Variants in THSD7A observed in about 807,000 individuals in gnomAD.
The protein encoded by THSD7A is thrombospondin type-1 domain-containing protein 7A.
THSD7A carries 96 observed loss-of-function variants against 231.3 expected under a neutral mutation model. The ratio of observed to expected loss-of-function variants is 0.41; its 90% CI spans 0.35 to 0.49. THSD7A has a LOEUF of 0.49. Among genes scored for constraint, THSD7A ranks in the 20% least tolerant of loss-of-function variants. The pLI is 0.05. For synonymous variants in THSD7A, 940 were observed against 743.3 expected (o/e 1.26, Z -4.30); for missense variants, 2,290 against 2,070.2 (o/e 1.11, Z -2.06).
intron 2 of THSD7A, among the ~76,000 whole-genome samples, chr7:11,598,431 G>A (rs1780442389): frequency 6.6e-6 from 1 of 152,168 alleles, no homozygotes; most frequent in African/African-American, 2.4e-5. Context: ...AGCCACCCCT[G>A]TCATCGCCCA....
At chr7:11,790,130 A>C (rs2128177685) in intron 1 of THSD7A, among the ~76,000 whole-genome samples, 1 of 152,154 alleles carries the variant, frequency 6.6e-6, no homozygotes, top group African/African-American at 2.4e-5. Context: ...AATTTCAAAA[A>C]TCAGAGTTAA....
Position 11,724,897 on chromosome 7 carries a change from C to T in THSD7A, c.191-87936G>A, listed in dbSNP as rs77955271. ...AGTAAATGCTGCTGAGGAGTTTCTC[C>T]CAAATCAAACCAGGGAACTAACCTC... is the stretch of plus-strand genomic sequence containing the variant. On this transcript the variant is annotated intron_variant, in intron 1 of 27. Coordinates refer to ENST00000423059, the MANE Select transcript of THSD7A (RefSeq NM_015204.3). Among the ~76,000 whole-genome samples, 138 of 151,898 alleles carry T rather than the reference C, an allele frequency of 9.1e-4. 2 individuals carry two copies. The highest frequency in any genetic ancestry group is 3.1e-3 in the African/African-American group (127 of 41,492).
intron 6 of THSD7A, among the ~76,000 whole-genome samples, chr7:11,493,234 G>A (rs1385090621): frequency 1.3e-5 from 2 of 152,034 alleles, no homozygotes; most frequent in Non-Finnish European, 2.9e-5. Flanking sequence ...AGAAAACAAG[G>A]CAGAGAGTTC....
intron 20 of THSD7A, 114 bp from the exon 21 acceptor site, chr7:11,407,169 A>G: frequency 6.7e-7 from 1 of 1,483,028 alleles, no homozygotes; most frequent in Admixed American, 2.0e-5. Flanking sequence ...AGGAACAAGT[A>G]AGGCTTAGAT....
At chr7:11,416,938 TTTC>T (rs748678844) in intron 17 of THSD7A, among the ~76,000 whole-genome samples, 3 of 152,204 alleles carry the variant, frequency 2.0e-5, no homozygotes, top group Admixed American at 6.5e-5. Context: ...GGTGCACAGC[TTTC>T]TTCTTCTACT....
At position 11,374,322 on chromosome 7, in the gene THSD7A, C is replaced by T. The variant is rs1782177760; in HGVS notation, c.*1472G>A. On this transcript the variant is annotated 3_prime_UTR_variant, in exon 28 of 28. Transcript: ENST00000423059. ...TATAGTCCTTTACAGAAAAAGTTTG[C>T]CACTCTTGCTCTAGATATGCAATGA... 6.6e-6 allele frequency: 1 copy of T among 152,052 alleles called. No individual in the cohort carries two copies. Among genetic ancestry groups the T allele is most frequent in the African/African-American group, 2.4e-5 (1 of 41,424 alleles). The allele number at this position is 152,052 out of a possible 1,614,324, so 9.4% of individuals were successfully genotyped here.
rs1028943839 is a variant in THSD7A, at chr7:11,542,745, C to G, written c.1609+217G>C. On this transcript the variant is annotated intron_variant, in intron 5 of 27. Coordinates refer to ENST00000423059, the MANE Select transcript of THSD7A (RefSeq NM_015204.3). ...CTAAACTGTCTCAGATCCTCTCCAT[C>G]ATGTTGTCTAAATTAACAAGCATTT... Among the ~76,000 whole-genome samples, 6 of 152,336 alleles carry G rather than the reference C, an allele frequency of 3.9e-5. 2 individuals carry two copies. The highest frequency in any genetic ancestry group is 6.5e-5 in the Admixed American group (1 of 15,302).
At chr7:11,667,210 C>G (rs555095617) in intron 1 of THSD7A, among the ~76,000 whole-genome samples, 2 of 152,114 alleles carry the variant, frequency 1.3e-5, no homozygotes, top group African/African-American at 4.8e-5. Context: ...ACCCCTCACC[C>G]AAGCTTCCCC....
chr7:11,695,526 T>C (rs536827341), intron 1 of THSD7A, among the ~76,000 whole-genome samples: 1 of 151,648 alleles, frequency 6.6e-6, no homozygotes, highest in Admixed American at 6.6e-5. Context: ...AAATTGAGTA[T>C]CTAATCTGTC....
chr7:11,530,090 C>G (rs1039768598), intron 6 of THSD7A, among the ~76,000 whole-genome samples: 2 of 152,120 alleles, frequency 1.3e-5, no homozygotes, highest in African/African-American at 4.8e-5. Flanking sequence ...GCTGCAATGA[C>G]CGGTCTCCAG....
intron 9 of THSD7A, among the ~76,000 whole-genome samples, chr7:11,464,320 C>T (rs1160551358): frequency 1.3e-5 from 2 of 152,096 alleles, no homozygotes; most frequent in East Asian, 1.9e-4. Flanking sequence ...GAGGCAATTA[C>T]TCTCCAATCT....
intron 1 of THSD7A, among the ~76,000 whole-genome samples, chr7:11,784,774 T>C (rs532644365): frequency 6.6e-6 from 1 of 152,072 alleles, no homozygotes; most frequent in Non-Finnish European, 1.5e-5. Flanking sequence ...TGCATCTTAG[T>C]CATGGGAAAT....
chr7:11,706,940 T>G (rs574186560), intron 1 of THSD7A, among the ~76,000 whole-genome samples: 1 of 150,824 alleles, frequency 6.6e-6, no homozygotes, highest in South Asian at 2.1e-4. Flanking sequence ...TTATTTGTAT[T>G]ATCACTGATG....
At chr7:11,536,477 C>G (rs1212620132) in intron 6 of THSD7A, among the ~76,000 whole-genome samples, 2 of 152,112 alleles carry the variant, frequency 1.3e-5, no homozygotes, top group Admixed American at 6.6e-5. Flanking sequence ...TTGGAAGTTT[C>G]TGGGACTCAT....
chr7:11,652,176 A>T (rs1226362780), intron 1 of THSD7A, among the ~76,000 whole-genome samples: 1 of 151,912 alleles, frequency 6.6e-6, no homozygotes, highest in Non-Finnish European at 1.5e-5. Context: ...CATAAACCAC[A>T]CCAGTAAACC....
At chr7:11,614,201 C>T (rs539773786) in intron 2 of THSD7A, among the ~76,000 whole-genome samples, 1 of 152,132 alleles carries the variant, frequency 6.6e-6, no homozygotes, top group Non-Finnish European at 1.5e-5. Context: ...TAATAATCCA[C>T]TGGAAAATTC....
Position 11,457,172 on chromosome 7 carries a change from A to C in THSD7A, c.2605+3490T>G, listed in dbSNP as rs925324595. Among the ~76,000 whole-genome samples, 3 of 152,070 alleles carry C rather than the reference A, an allele frequency of 2.0e-5. No homozygotes were observed. In the East Asian group the frequency reaches 5.8e-4, roughly 29 times the overall value. ...ATTCACTCTATGGAAATGTTACCCA[A>C]ATTTCCATCTGCCATCTTATGCTAT... On this transcript the variant is annotated intron_variant, in intron 11 of 27. Transcript: ENST00000423059.
Position 11,633,546 on chromosome 7 carries a change from GA to G in THSD7A, c.1022+2583del, listed in dbSNP as rs541068350. Among the ~76,000 whole-genome samples the G allele has an allele frequency of 3.9e-4, 59 of 152,276 alleles. 1 individual carries two copies. In the South Asian group the frequency reaches 4.8e-3, roughly 12 times the overall value. Reference sequence around the variant, plus strand: ...CCTCAGAAAGTTCAGGCTACTCTTAGAGATTCTGAGTGTTCATGAAAGCTGT... The same window carrying G: ...CCTCAGAAAGTTCAGGCTACTCTTAGGATTCTGAGTGTTCATGAAAGCTGT... On this transcript the variant is annotated intron_variant, in intron 2 of 27. Coordinates refer to ENST00000423059, the MANE Select transcript of THSD7A (RefSeq NM_015204.3).
At chr7:11,652,486 T>C (rs1408654687) in intron 1 of THSD7A, among the ~76,000 whole-genome samples, 2 of 151,982 alleles carry the variant, frequency 1.3e-5, no homozygotes, top group East Asian at 3.9e-4. Context: ...ATAATTTCTG[T>C]CCTACTAAGT....
Sources: gnomAD v4.1 joint callset for allele counts (sites outside exome capture counted in the v4.1 genomes callset) on GRCh38, gnomAD v4.1.1 for gene constraint, MANE v1.5 for transcripts, NCBI Gene and HGNC (gene_info 2026-07-23, HGNC 2026-07-21) for gene names.